The following ZMAT4 variants were observed in gnomAD, a reference collection of about 807,000 sequenced individuals.
The protein encoded by ZMAT4 is zinc finger matrin-type 4.
ZMAT4 carries 17 observed loss-of-function variants against 28.7 expected under a neutral mutation model. The ratio of observed to expected loss-of-function variants is 0.59; its 90% confidence interval spans 0.41 to 0.89. ZMAT4 has a LOEUF of 0.89. ZMAT4 is among the 40% of genes least tolerant of loss of function. The probability of loss-of-function intolerance (pLI) is 0.00; values close to 1 mark genes in which losing one functional copy is unlikely to be tolerated. For missense variants in ZMAT4, 240 were observed against 283.8 expected (o/e 0.85, Z 1.11); for synonymous variants, 117 against 109.2 (o/e 1.07, Z -0.44).
chr8:40,609,007 T>C (rs1034719139), intron 5 of ZMAT4, among the ~76,000 whole-genome samples: 2 of 152,188 alleles, frequency 1.3e-5, no homozygotes, highest in African/African-American at 2.4e-5. Context: ...CGGTAGTTCT[T>C]GGAGTGAAAA....
intron 1 of ZMAT4, among the ~76,000 whole-genome samples, chr8:40,843,046 G>A (rs1321944328): frequency 6.6e-6 from 1 of 152,070 alleles, no homozygotes; most frequent in East Asian, 1.9e-4. Flanking sequence ...CAAAGTGCTG[G>A]GATTACAGGC....
intron 2 of ZMAT4, among the ~76,000 whole-genome samples, chr8:40,784,335 T>C (rs1813972867): frequency 6.6e-6 from 1 of 152,110 alleles, no homozygotes; most frequent in Admixed American, 6.5e-5. Flanking sequence ...TCTAAATCAA[T>C]GCGGAAAAAT....
chr8:40,664,608 G>T (rs1808328011), intron 5 of ZMAT4, among the ~76,000 whole-genome samples: 1 of 152,148 alleles, frequency 6.6e-6, no homozygotes. Flanking sequence ...GATGACAGCA[G>T]CCCTGGTTGA....
At chr8:40,562,220 G>C (rs1208096359) in intron 6 of ZMAT4, among the ~76,000 whole-genome samples, 1 of 152,136 alleles carries the variant, frequency 6.6e-6, no homozygotes, top group Non-Finnish European at 1.5e-5. Context: ...CAAAAGCACT[G>C]TGTCTAAAAC....
intron 6 of ZMAT4, among the ~76,000 whole-genome samples, chr8:40,543,225 C>T (rs576319075): frequency 6.6e-6 from 1 of 152,244 alleles, no homozygotes; most frequent in Non-Finnish European, 1.5e-5. Context: ...CAGGGCCAAA[C>T]TGTAACTTAT....
At chr8:40,638,768 A>G (rs1044449182) in intron 5 of ZMAT4, among the ~76,000 whole-genome samples, 1 of 152,252 alleles carries the variant, frequency 6.6e-6, no homozygotes, top group Non-Finnish European at 1.5e-5. Context: ...AGGCTCTGCA[A>G]TGATTATATC....
At chr8:40,880,841 T>C (rs1229642421) in intron 1 of ZMAT4, among the ~76,000 whole-genome samples, 1 of 152,198 alleles carries the variant, frequency 6.6e-6, no homozygotes, top group African/African-American at 2.4e-5. Context: ...TTATTTTCTG[T>C]GTGGAAAACA....
At chr8:40,829,429 G>A (rs893222673) in intron 1 of ZMAT4, among the ~76,000 whole-genome samples, 8 of 152,196 alleles carry the variant, frequency 5.3e-5, no homozygotes, top group African/African-American at 1.9e-4. Context: ...ACATTTTCAC[G>A]TGCTGTCCGG....
In ZMAT4 at chr8:40,879,692, C is replaced by CA. The variant is rs1202738154; in HGVS notation, c.-5+17990dup. 1.1e-4 allele frequency among the ~76,000 whole-genome samples: 17 copies of CA among 151,934 alleles called. No homozygotes were observed. The East Asian group carries it at 2.3e-3, about 21-fold the overall frequency. On this transcript the variant is annotated intron_variant, in intron 1 of 6. Transcript: ENST00000297737. ...CTCACTGTAAAATATTTGAAAACCG[C>CA]AAAAAAATATATAAAGAAGAAAACA...
At chr8:40,879,345 C>T (rs1818143925) in intron 1 of ZMAT4, among the ~76,000 whole-genome samples, 1 of 152,188 alleles carries the variant, frequency 6.6e-6, no homozygotes. Flanking sequence ...AGCCCTTGAA[C>T]CCAGGACTTC....
intron 5 of ZMAT4, among the ~76,000 whole-genome samples, chr8:40,615,992 A>G (rs578066811): frequency 6.6e-6 from 1 of 152,178 alleles, no homozygotes; most frequent in African/African-American, 2.4e-5. Flanking sequence ...ACTCATCTGA[A>G]AAAGGGCTAA....
chr8:40,741,191 T>A (rs2150534691), intron 3 of ZMAT4, among the ~76,000 whole-genome samples: 1 of 152,300 alleles, frequency 6.6e-6, no homozygotes, highest in South Asian at 2.1e-4. Context: ...ATGTCTGTAA[T>A]CCTAGCACTT....
At chr8:40,561,091 T>C (rs764599070) in intron 6 of ZMAT4, among the ~76,000 whole-genome samples, 1 of 152,222 alleles carries the variant, frequency 6.6e-6, no homozygotes, top group Non-Finnish European at 1.5e-5. Context: ...AAAGATCGTC[T>C]TTGATTTATA....
chr8:40,637,519 A>G (rs1248917646), intron 5 of ZMAT4, among the ~76,000 whole-genome samples: 1 of 152,216 alleles, frequency 6.6e-6, no homozygotes. Context: ...CTCCCCAGAA[A>G]GAGAGAGAGG....
intron 3 of ZMAT4, among the ~76,000 whole-genome samples, chr8:40,703,580 T>C (rs879258327): frequency 6.6e-6 from 1 of 151,968 alleles, no homozygotes; most frequent in Non-Finnish European, 1.5e-5. Flanking sequence ...CAGAGGGCAG[T>C]GGGGGAGCAG....
intron 5 of ZMAT4, among the ~76,000 whole-genome samples, chr8:40,634,829 A>G (rs576839533): frequency 2.0e-5 from 3 of 152,230 alleles, no homozygotes; most frequent in Non-Finnish European, 2.9e-5. Context: ...CCATCCATAC[A>G]GTTACAGAAA....
chr8:40,853,212 C>A (rs11776583), intron 1 of ZMAT4, among the ~76,000 whole-genome samples: 26,195 of 152,094 alleles, frequency 0.17, 2,379 homozygotes, highest in Non-Finnish European at 0.21. Flanking sequence ...TCTCATTTTG[C>A]AACTCAGAAT....
intron 1 of ZMAT4, among the ~76,000 whole-genome samples, chr8:40,875,975 G>A (rs1220580430): frequency 6.6e-6 from 1 of 152,312 alleles, no homozygotes; most frequent in East Asian, 1.9e-4. Context: ...TAGACCAAGG[G>A]TGGCGACAGG....
intron 5 of ZMAT4, among the ~76,000 whole-genome samples, chr8:40,648,421 A>C (rs1200107411): frequency 6.6e-6 from 1 of 150,640 alleles, no homozygotes. Flanking sequence ...ATATGGGACT[A>C]TGTGAAAAGA....
Sources: allele counts gnomAD v4.1 joint callset (sites outside exome capture counted in the v4.1 genomes callset), GRCh38; gene constraint gnomAD v4.1.1; transcripts MANE v1.5; gene names NCBI Gene and HGNC (gene_info 2026-07-23, HGNC 2026-07-21).